Variants in REPS1 observed in about 807,000 individuals in gnomAD.
The protein encoded by REPS1 is RALBP1 associated Eps domain containing 1.
REPS1 carries 39 observed loss-of-function variants against 100.9 expected under a neutral mutation model. The ratio of observed to expected loss-of-function variants is 0.39; its 90% CI spans 0.30 to 0.50. The LOEUF (loss-of-function observed/expected upper bound fraction) is 0.50. REPS1 is among the 20% of genes least tolerant of loss of function. The pLI is 0.86. For missense variants in REPS1, 821 were observed against 968.5 expected, an observed-to-expected ratio of 0.85 and a Z score of 2.02; for synonymous variants, 324 against 340.3, an observed-to-expected ratio of 0.95 and a Z score of 0.53.
intron 15 of REPS1, among the ~76,000 whole-genome samples, chr6:138,913,603 A>G (rs1780159791): frequency 6.6e-6 from 1 of 152,246 alleles, no homozygotes; most frequent in Admixed American, 6.5e-5. Context: ...GAGATGTTTT[A>G]TGACAAAGGA....
intron 1 of REPS1, among the ~76,000 whole-genome samples, chr6:138,948,507 T>C (rs1177494432): frequency 1.3e-5 from 2 of 152,220 alleles, no homozygotes; most frequent in Non-Finnish European, 2.9e-5. Flanking sequence ...AATTTGTCTT[T>C]TTTAGAGCAT....
intron 8 of REPS1, among the ~76,000 whole-genome samples, chr6:138,940,275 T>C (rs1782146979): frequency 6.6e-6 from 1 of 152,220 alleles, no homozygotes; most frequent in Non-Finnish European, 1.5e-5. Context: ...ACTTCCCTTT[T>C]AAAAGTATAA....
chr6:138,960,338 C>A (rs1212426610), intron 1 of REPS1, among the ~76,000 whole-genome samples: 1 of 151,974 alleles, frequency 6.6e-6, no homozygotes, highest in African/African-American at 2.4e-5. Flanking sequence ...CTATTGAGGA[C>A]CCCTTTCCCT....
At chr6:138,907,784 TAA>T (rs78499509) in intron 18 of REPS1, among the ~76,000 whole-genome samples, 184 bp from the exon 19 acceptor site, 10 of 141,188 alleles carry the variant, frequency 7.1e-5, no homozygotes, top group Non-Finnish European at 6.2e-5. Flanking sequence ...TAGGAAAGGT[TAA>T]AAAAAAAAAA....
intron 1 of REPS1, among the ~76,000 whole-genome samples, chr6:138,985,521 G>A (rs1164360638): frequency 6.6e-6 from 1 of 152,118 alleles, no homozygotes; most frequent in Admixed American, 6.5e-5. Context: ...TCCCTTAAGG[G>A]AATTAAGCAC....
rs958561688 is a variant in REPS1 at position 138,917,729 on chromosome 6, T to C, written c.1529-102A>G. 51 of 895,616 alleles carry C rather than the reference T, an allele frequency of 5.7e-5. 1 individual carries two copies. In the Middle Eastern group the frequency reaches 1.2e-3, roughly 22 times the overall value. 55.5% of individuals were successfully genotyped at this position (895,616 alleles called of 1,614,324 possible). A position where few individuals can be genotyped will look rare whatever the true frequency, so the allele number is the denominator to read the frequency against. On this transcript the variant is annotated intron_variant, in intron 12 of 19. Coordinates refer to ENST00000450536, the MANE Select transcript of REPS1 (RefSeq NM_001286611.2). ...GTGATATGCTGTTTCAAGCCAGAGA[T>C]AGTCAAAGATTGGCTAATAGGCTAA...
chr6:138,930,462 G>A (rs886438348), intron 8 of REPS1, among the ~76,000 whole-genome samples: 2 of 152,160 alleles, frequency 1.3e-5, no homozygotes, highest in East Asian at 1.9e-4. Context: ...CAGTAAGGTG[G>A]CTTTGAAAAA....
At chr6:138,984,122 T>C (rs186902735) in intron 1 of REPS1, among the ~76,000 whole-genome samples, 24 of 149,118 alleles carry the variant, frequency 1.6e-4, no homozygotes, top group African/African-American at 5.2e-4. Flanking sequence ...CTCTGTCATC[T>C]AGGCTGGAGT....
In REPS1 at chr6:138,944,584, G is replaced by A; in HGVS notation, c.667C>T (p.Pro223Ser). 1 of 1,613,956 alleles carries A rather than the reference G, an allele frequency of 6.2e-7. No homozygotes were observed. Reference protein sequence around the residue: ...AGDAVWSGHSPPPPQENWVSF... With the variant: ...AGDAVWSGHSSPPPQENWVSF... ...ACCCAGTTTTCTTGAGGTGGAGGTG[G>A]GGAATGCCCTGACCACACTGCATCA... Residue 223 changes from proline (P) to serine (S), a missense_variant, in exon 5 of 20, where the codon CCA (proline) becomes TCA (serine). Pro to Ser is a moderately conservative substitution (Grantham distance 74). Around this residue, in one of 3 missense-constraint regions of REPS1, gnomAD observed 757 missense variants for 866.4 expected, o/e 0.87. Coordinates refer to ENST00000450536, the MANE Select transcript of REPS1 (RefSeq NM_001286611.2).
At chr6:138,955,457 A>AAGTGTGTGTGTGTGTGGGT (rs10689184) in intron 1 of REPS1, among the ~76,000 whole-genome samples, 1 of 90,720 alleles carries the variant, frequency 1.1e-5, no homozygotes, top group Non-Finnish European at 2.0e-5. Context: ...AAAAAAAAAA[A>AAGTGTGTGTGTGTGTGGGT]GTGTGTGTGT....
chr6:138,957,039 C>CAA (rs57271374), intron 1 of REPS1, among the ~76,000 whole-genome samples: 18 of 145,866 alleles, frequency 1.2e-4, no homozygotes, highest in African/African-American at 4.5e-4. Flanking sequence ...TAGAAAAATA[C>CAA]AAAAAAAAAA....
intron 12 of REPS1, 26 bp downstream of exon 12, chr6:138,920,189 A>G: frequency 8.4e-7 from 1 of 1,194,206 alleles, no homozygotes; most frequent in South Asian, 1.2e-5. Flanking sequence ...GTAAACTTCA[A>G]ATGGAAGATG....
At chr6:138,970,718 A>T (rs1784298818) in intron 1 of REPS1, among the ~76,000 whole-genome samples, 1 of 152,220 alleles carries the variant, frequency 6.6e-6, no homozygotes, top group African/African-American at 2.4e-5. Context: ...CAGGTAACAG[A>T]GGTGCAGTGA....
intron 8 of REPS1, among the ~76,000 whole-genome samples, chr6:138,941,126 A>G (rs1004476590): frequency 1.3e-5 from 2 of 152,234 alleles, no homozygotes; most frequent in Non-Finnish European, 2.9e-5. Context: ...ATAGTGGTAT[A>G]TATTACTCAT....
At chr6:138,911,630 G>A (rs899748936) in intron 16 of REPS1, among the ~76,000 whole-genome samples, 1 of 151,122 alleles carries the variant, frequency 6.6e-6, no homozygotes, top group Non-Finnish European at 1.5e-5. Flanking sequence ...AGGGAGAGGA[G>A]GACAGAGCGA....
At chr6:138,941,264 ATT>A in intron 8 of REPS1, 69 bp downstream of exon 8, 1 of 1,522,264 alleles carries the variant, frequency 6.6e-7, no homozygotes, top group South Asian at 1.2e-5. Flanking sequence ...CTCTATCTTG[ATT>A]TTTCTTTCAG....
At chr6:138,920,407 T>C in intron 11 of REPS1, 91 bp from the exon 12 acceptor site, 1 of 544,334 alleles carries the variant, frequency 1.8e-6, no homozygotes, top group South Asian at 3.7e-5. Context: ...CATTTAAATA[T>C]CCAAAGAAGT....
rs1785387998 is a variant in REPS1 at position 138,988,127 on chromosome 6, GA to G, written c.-446del. On this transcript the variant is annotated 5_prime_UTR_variant, in exon 1 of 20. Transcript: ENST00000450536. ...GCCTCCGGAGCGGCAGCGCTTCCCG[GA>G]AAGTTGTGGGGCTTCGAACCTAAAG... 2.5e-6 allele frequency: 1 copy of G among 398,204 alleles called. No individual in the cohort carries two copies. The highest frequency in any genetic ancestry group is 4.4e-6 in the Non-Finnish European group (1 of 225,830). 24.7% of individuals were successfully genotyped at this position (398,204 alleles called of 1,614,324 possible).
chr6:138,943,859 TA>T lies in REPS1; in HGVS notation c.909del (p.Phe303LeufsTer36). The T allele has an allele frequency of 6.2e-7, 1 of 1,612,474 alleles. No homozygotes were observed. Among genetic ancestry groups the T allele is most frequent in the Non-Finnish European group, 8.5e-7 (1 of 1,179,376 alleles). On this transcript the variant is annotated frameshift_variant, in exon 6 of 20. Coordinates refer to ENST00000450536, the MANE Select transcript of REPS1 (RefSeq NM_001286611.2). LOFTEE classifies it high-confidence loss of function. ...FKTIQPDLNGFIPGSAAKEFF... is the reference protein window; with the variant it reads ...FKTIQPDLNGXIPGSAAKEFF... ...TCTGTTTTCAACAACTCACCTGGAA[TA>T]AATCCGTTTAGATCAGGCTGAATGG... is the stretch of plus-strand genomic sequence containing the variant.
Sources: allele counts gnomAD v4.1 joint callset (sites outside exome capture counted in the v4.1 genomes callset), GRCh38; gene constraint gnomAD v4.1.1; regional missense constraint gnomAD v4.1.1; transcripts MANE v1.5; gene names NCBI Gene and HGNC (gene_info 2026-07-23, HGNC 2026-07-21).